MYZAP: variants seen among roughly 807,000 people sequenced by gnomAD.
MYZAP encodes GRINL1A complex locus upstream.
Under a neutral mutation model 69.4 loss-of-function variants are expected in MYZAP, and 66 were observed. That is an observed-to-expected ratio of 0.95 (90% CI 0.78 to 1.17). The LOEUF is 1.17. MYZAP is among the 50% of genes most tolerant of loss of function. MYZAP has a pLI of 0.00. For synonymous variants in MYZAP, 256 were observed against 205.9 expected, an observed-to-expected ratio of 1.24 and a Z score of -2.09; for missense variants, 611 against 556.2, an observed-to-expected ratio of 1.10 and a Z score of -0.99.
chr15:57,637,692 T>G lies in MYZAP; in HGVS notation c.934-3T>G. The G allele has an allele frequency of 6.2e-7, 1 of 1,612,292 alleles. No homozygotes were observed. Among genetic ancestry groups the G allele is most frequent in the Non-Finnish European group, 8.5e-7 (1 of 1,179,144 alleles). ...TTAAAATATCAGTTTCTGTTTGTTT[T>G]AGGAACGTCATCAACTGCAACTTCA... On this transcript the variant is annotated splice_region_variant and splice_polypyrimidine_tract_variant and intron_variant, in intron 8 of 12. Transcript: ENST00000267853.
rs965759322 is a variant in MYZAP, at chr15:57,629,923, C to T, written c.678+69C>T. ...CTCTTTACTTCTCCCTTTTCTCTTCCCATCTTCAACCTTTCCATTTCCTTT... is the reference window on the plus strand; with the variant it reads ...CTCTTTACTTCTCCCTTTTCTCTTCTCATCTTCAACCTTTCCATTTCCTTT... On this transcript the variant is annotated intron_variant, in intron 6 of 12. Transcript: ENST00000267853. The T allele has an allele frequency of 1.1e-5, 17 of 1,530,408 alleles. No homozygotes were observed. In the South Asian group the frequency reaches 2.0e-4, roughly 18 times the overall value. The allele number at this position is 1,530,408 out of a possible 1,614,324, so 94.8% of individuals were successfully genotyped here. A position where few individuals can be genotyped will look rare whatever the true frequency, so the allele number is the denominator to read the frequency against.
chr15:57,617,208 A>T lies in MYZAP; in HGVS notation c.163-825A>T, dbSNP rs538961561. ...CTGAACTTCAGTTTTCTCAGCTATG[A>T]AGTGGAAAGGACAGAAAGGACAATT... On this transcript the variant is annotated intron_variant, in intron 2 of 12. Coordinates refer to ENST00000267853, the MANE Select transcript of MYZAP (RefSeq NM_001018100.5). 3.3e-5 allele frequency among the ~76,000 whole-genome samples: 5 copies of T among 152,264 alleles called. No homozygotes were observed. The South Asian group carries it at 8.3e-4, about 25-fold the overall frequency.
intron 12 of MYZAP, among the ~76,000 whole-genome samples, chr15:57,684,127 C>T (rs1378583188): frequency 2.9e-5 from 2 of 69,082 alleles, no homozygotes; most frequent in South Asian, 1.3e-3. Flanking sequence ...TAATCCCATT[C>T]ATGAGGGCTC....
intron 2 of MYZAP, among the ~76,000 whole-genome samples, chr15:57,611,319 C>G (rs2035088071): frequency 6.6e-6 from 1 of 152,200 alleles, no homozygotes; most frequent in South Asian, 2.1e-4. Context: ...GGAACATTGA[C>G]TTGCGTGCCT....
chr15:57,680,337 A>G (rs1350462386), intron 12 of MYZAP, among the ~76,000 whole-genome samples: 1 of 151,960 alleles, frequency 6.6e-6, no homozygotes, highest in Admixed American at 6.6e-5. Context: ...ACTCAGTACC[A>G]TCTCTCTGCC....
chr15:57,633,787 C>A (rs2036651645), intron 8 of MYZAP, 46 bp downstream of exon 8: 1 of 1,453,976 alleles, frequency 6.9e-7, no homozygotes, highest in Non-Finnish European at 9.1e-7. Flanking sequence ...CAAACTTTTC[C>A]CTGTAGGTCC....
rs537816644 is a variant in MYZAP at position 57,605,165 on chromosome 15, A to G, written c.162+810A>G. 2.6e-4 allele frequency among the ~76,000 whole-genome samples: 40 copies of G among 152,284 alleles called. No homozygotes were observed. The South Asian group carries it at 7.7e-3, about 29-fold the overall frequency. On this transcript the variant is annotated intron_variant, in intron 2 of 12. Coordinates refer to ENST00000267853, the MANE Select transcript of MYZAP (RefSeq NM_001018100.5). ...AGGCACTGTTGTATACAGTGGGAAT[A>G]TAGTAGGGAACAAAGCAGTAAACCA...
At chr15:57,593,689 A>G (rs1160691619) in intron 1 of MYZAP, among the ~76,000 whole-genome samples, 2 of 152,198 alleles carry the variant, frequency 1.3e-5, no homozygotes, top group African/African-American at 2.4e-5. Context: ...TTTGAATAAG[A>G]TGGCAGACGT....
chr15:57,601,180 A>G (rs766300622), intron 1 of MYZAP, among the ~76,000 whole-genome samples: 2 of 152,140 alleles, frequency 1.3e-5, no homozygotes, highest in Non-Finnish European at 2.9e-5. Context: ...ATTCAGAGAG[A>G]TTAAGTAACT....
At chr15:57,609,448 G>A (rs2034969445) in intron 2 of MYZAP, among the ~76,000 whole-genome samples, 1 of 152,284 alleles carries the variant, frequency 6.6e-6, no homozygotes, top group Non-Finnish European at 1.5e-5. Flanking sequence ...TGGCAGCATC[G>A]CTCTGATTTT....
At chr15:57,595,455 A>G (rs2033992882) in intron 1 of MYZAP, among the ~76,000 whole-genome samples, 1 of 152,026 alleles carries the variant, frequency 6.6e-6, no homozygotes, top group Non-Finnish European at 1.5e-5. Context: ...TTTGAAAGGA[A>G]TTTTATAAAT....
chr15:57,650,124 G>A (rs184895776), intron 10 of MYZAP, among the ~76,000 whole-genome samples: 1 of 152,212 alleles, frequency 6.6e-6, no homozygotes, highest in East Asian at 1.9e-4. Flanking sequence ...TTTGGCTCAC[G>A]GAAAGCTTGT....
rs77162484 is a variant in MYZAP at position 57,674,812 on chromosome 15, C to G, written c.1204-156C>G. ...TTGTATGCATTCAGTCAATCTATTT[C>G]TTCAACAACTATTGTGTAAGTGATG... On this transcript the variant is annotated intron_variant, in intron 11 of 12. Coordinates refer to ENST00000267853, the MANE Select transcript of MYZAP (RefSeq NM_001018100.5). 1.9e-3 allele frequency among the ~76,000 whole-genome samples: 290 copies of G among 152,322 alleles called. 3 individuals carry two copies. Among genetic ancestry groups the G allele is most frequent in the Admixed American group, 3.5e-3 (53 of 15,302 alleles).
chr15:57,641,974 A>T (rs1242512759), intron 10 of MYZAP, among the ~76,000 whole-genome samples: 14 of 152,176 alleles, frequency 9.2e-5, no homozygotes, highest in African/African-American at 3.4e-4. Context: ...AACATGAGGG[A>T]ATATGTCTTT....
chr15:57,617,374 G>A (rs2035533872), intron 2 of MYZAP, among the ~76,000 whole-genome samples: 1 of 152,060 alleles, frequency 6.6e-6, no homozygotes, highest in African/African-American at 2.4e-5. Flanking sequence ...GCTTGGACAT[G>A]TTACTGTTTC....
At chr15:57,602,964 A>G (rs1156608365) in intron 1 of MYZAP, among the ~76,000 whole-genome samples, 1 of 152,222 alleles carries the variant, frequency 6.6e-6, no homozygotes, top group Non-Finnish European at 1.5e-5. Context: ...GAGTAGGAAA[A>G]TGACTTTGCC....
chr15:57,632,952 T>C (rs2036595406), intron 7 of MYZAP, among the ~76,000 whole-genome samples: 1 of 152,154 alleles, frequency 6.6e-6, no homozygotes, highest in Non-Finnish European at 1.5e-5. Flanking sequence ...TAAATGCCAC[T>C]CTCTCCATGC....
rs117361082 is a variant in MYZAP at position 57,637,771 on chromosome 15, A to G, written c.1010A>G (p.Glu337Gly). The change falls in exon 9 of 13, where the codon GAA becomes GGA. Residue 337 changes from glutamate (E) to glycine (G), a missense_variant. Physicochemically the swap from Glu to Gly is moderately conservative, Grantham distance 98. Coordinates refer to ENST00000267853, the MANE Select transcript of MYZAP (RefSeq NM_001018100.5). Reference sequence around the variant, plus strand: ...GGGGAGTTAACTGATTCTGACAAGGAAAGGTAAGACGTAATGCCTTTCGTC... The same window carrying G: ...GGGGAGTTAACTGATTCTGACAAGGGAAGGTAAGACGTAATGCCTTTCGTC... Reference protein sequence around the residue: ...MSGELTDSDKERYQQLEEASA... With the variant: ...MSGELTDSDKGRYQQLEEASA... The G allele has an allele frequency of 4.7e-3, 7,588 of 1,609,174 alleles. 24 individuals are homozygous for G. The highest frequency in any genetic ancestry group is 5.2e-3 in the Non-Finnish European group (6,090 of 1,177,292).
chr15:57,598,190 C>T (rs1438025484), intron 1 of MYZAP, among the ~76,000 whole-genome samples: 1 of 152,054 alleles, frequency 6.6e-6, no homozygotes, highest in African/African-American at 2.4e-5. Context: ...TAGGTGAGAC[C>T]CAGGCCCTCA....
Sources: allele counts gnomAD v4.1 joint callset (sites outside exome capture counted in the v4.1 genomes callset), GRCh38; gene constraint gnomAD v4.1.1; transcripts MANE v1.5; gene names NCBI Gene and HGNC (gene_info 2026-07-23, HGNC 2026-07-21).